The following SLIT2 variants were observed in gnomAD, a reference collection of about 807,000 sequenced individuals.
SLIT2 encodes the protein slit guidance ligand 2, also known as slit homolog 2 protein.
SLIT2 carries 41 observed loss-of-function variants against 185.7 expected under a neutral mutation model. The ratio of observed to expected loss-of-function variants is 0.22; its 90% CI spans 0.17 to 0.29. The LOEUF (loss-of-function observed/expected upper bound fraction) is 0.29. SLIT2 is among the 10% of genes least tolerant of loss of function. The pLI, the probability that SLIT2 is intolerant of heterozygous loss-of-function variation, is 1.00. For missense variants in SLIT2, 1,571 were observed against 1,909.0 expected (o/e 0.82, Z 3.30); for synonymous variants, 693 against 680.2 (o/e 1.02, Z -0.29).
intron 9 of SLIT2, among the ~76,000 whole-genome samples, chr4:20,505,959 T>C (rs1719171552): frequency 6.6e-6 from 1 of 152,036 alleles, no homozygotes; most frequent in Non-Finnish European, 1.5e-5. Flanking sequence ...TGGATAAACA[T>C]ACTTTTGAGT....
intron 4 of SLIT2, among the ~76,000 whole-genome samples, chr4:20,350,125 A>T (rs569668116): frequency 6.6e-6 from 1 of 152,322 alleles, no homozygotes; most frequent in African/African-American, 2.4e-5. Flanking sequence ...TCTTGTTCAG[A>T]TTGCAAACCC....
chr4:20,455,323 C>G (rs1249383172), intron 4 of SLIT2, among the ~76,000 whole-genome samples: 2 of 152,008 alleles, frequency 1.3e-5, no homozygotes, highest in African/African-American at 4.8e-5. Context: ...CCAGAACAGA[C>G]AAGACTTCTA....
intron 4 of SLIT2, among the ~76,000 whole-genome samples, chr4:20,346,239 G>A (rs535506760): frequency 1.5e-3 from 231 of 152,086 alleles, no homozygotes; most frequent in African/African-American, 5.0e-3. Context: ...CAAGCTATCC[G>A]CCTGCCTCGT....
chr4:20,522,421 G>C (rs779223210), intron 12 of SLIT2, among the ~76,000 whole-genome samples: 27 of 152,112 alleles, frequency 1.8e-4, no homozygotes, highest in Admixed American at 6.6e-5. Flanking sequence ...CCTGAAGAGG[G>C]AGAAACTGTC....
intron 4 of SLIT2, among the ~76,000 whole-genome samples, chr4:20,344,220 C>A (rs1721199883): frequency 6.6e-6 from 1 of 152,234 alleles, no homozygotes; most frequent in East Asian, 1.9e-4. Context: ...GGCTTACAAT[C>A]CAGGAGAGTA....
intron 9 of SLIT2, among the ~76,000 whole-genome samples, chr4:20,502,344 A>G (rs1327606479): frequency 6.6e-6 from 1 of 152,226 alleles, no homozygotes; most frequent in Non-Finnish European, 1.5e-5. Context: ...CAAGAAGCAC[A>G]TGCAGAAAAG....
intron 24 of SLIT2, among the ~76,000 whole-genome samples, chr4:20,549,441 C>T (rs1391871931): frequency 1.3e-5 from 2 of 152,028 alleles, no homozygotes; most frequent in Admixed American, 1.3e-4. Context: ...AATTGAGAAA[C>T]TTTCAAAATT....
At chr4:20,329,119 C>A (rs1273183181) in intron 4 of SLIT2, among the ~76,000 whole-genome samples, 4 of 151,840 alleles carry the variant, frequency 2.6e-5, no homozygotes, top group Admixed American at 2.0e-4. Flanking sequence ...GTAGTTAAGG[C>A]TGGGGATAGT....
At chr4:20,308,133 G>A (rs1029544880) in intron 4 of SLIT2, among the ~76,000 whole-genome samples, 6 of 152,162 alleles carry the variant, frequency 3.9e-5, no homozygotes, top group African/African-American at 1.4e-4. Flanking sequence ...TTCATGGAGA[G>A]GTGTAGCTTG....
chr4:20,381,024 C>A (rs971716683), intron 4 of SLIT2, among the ~76,000 whole-genome samples: 3 of 152,002 alleles, frequency 2.0e-5, no homozygotes, highest in Non-Finnish European at 4.4e-5. Flanking sequence ...GAGGCCTAGG[C>A]GGGTGGATCA....
At chr4:20,578,695 G>A (rs771369137) in intron 29 of SLIT2, among the ~76,000 whole-genome samples, 3 of 152,170 alleles carry the variant, frequency 2.0e-5, no homozygotes, top group Admixed American at 6.5e-5. Context: ...CAAGAGTTAC[G>A]TGTGCCAGCA....
chr4:20,397,629 A>G (rs937673326), intron 4 of SLIT2, among the ~76,000 whole-genome samples: 1 of 151,780 alleles, frequency 6.6e-6, no homozygotes, highest in Non-Finnish European at 1.5e-5. Context: ...AGGTGTATAT[A>G]CCTGTTTTAT....
intron 4 of SLIT2, among the ~76,000 whole-genome samples, chr4:20,307,063 T>G (rs1717615420): frequency 6.7e-6 from 1 of 149,524 alleles, no homozygotes; most frequent in African/African-American, 2.5e-5. Context: ...CCTTCCTTCC[T>G]TCATTCCATG....
At chr4:20,553,654 T>C in intron 25 of SLIT2, 151 bp from the exon 26 acceptor site, 1 of 698,016 alleles carries the variant, frequency 1.4e-6, no homozygotes, top group Non-Finnish European at 2.0e-6. Flanking sequence ...TAAATTGTTA[T>C]CCTCAATAAA....
Position 20,472,527 on chromosome 4 carries a change from T to TATATAG in SLIT2, c.467+4710_467+4715dup, listed in dbSNP as rs1560454842. On this transcript the variant is annotated intron_variant, in intron 5 of 36. Transcript: ENST00000504154. Reference sequence around the variant, plus strand: ...CTATATATAGATAGATATATATCTATATATAGATATATCTATATCTATATA... The same window carrying TATATAG: ...CTATATATAGATAGATATATATCTATATATAGATATAGATATATCTATATCTATATA... Among the ~76,000 whole-genome samples the TATATAG allele has an allele frequency of 9.1e-4, 20 of 22,090 alleles. 5 individuals are homozygous for TATATAG. The highest frequency in any genetic ancestry group is 4.5e-3 in the East Asian group (1 of 222). 14.5% of individuals were successfully genotyped at this position (22,090 alleles called of 152,430 possible). A position where few individuals can be genotyped will look rare whatever the true frequency, so the allele number is the denominator to read the frequency against.
intron 33 of SLIT2, among the ~76,000 whole-genome samples, chr4:20,598,852 C>A (rs1728190276): frequency 6.6e-6 from 1 of 152,150 alleles, no homozygotes; most frequent in African/African-American, 2.4e-5. Flanking sequence ...CAACAATCTC[C>A]TGTCTGTGTT....
intron 4 of SLIT2, among the ~76,000 whole-genome samples, chr4:20,303,397 A>G (rs1251289737): frequency 6.6e-5 from 10 of 152,224 alleles, no homozygotes; most frequent in Admixed American, 3.9e-4. Flanking sequence ...ATTTATCATT[A>G]GAACACATTT....
chr4:20,603,485 G>T (rs1262155972), intron 33 of SLIT2, among the ~76,000 whole-genome samples: 2 of 152,146 alleles, frequency 1.3e-5, no homozygotes, highest in East Asian at 1.9e-4. Flanking sequence ...CTAATAATCT[G>T]CTCTTTCAAA....
rs535731924 is a variant in SLIT2, at chr4:20,418,018, G to C, written c.396-49734G>C. ...CTGTATGAAATGATCTTAAGGGGTTGTCCTGTCTCTCCTATAGTAGAGTGT... is the reference window on the plus strand; with the variant it reads ...CTGTATGAAATGATCTTAAGGGGTTCTCCTGTCTCTCCTATAGTAGAGTGT... On this transcript the variant is annotated intron_variant, in intron 4 of 36. Coordinates refer to ENST00000504154, the MANE Select transcript of SLIT2 (RefSeq NM_004787.4). Among the ~76,000 whole-genome samples the C allele has an allele frequency of 6.6e-5, 10 of 152,250 alleles. No individual in the cohort carries two copies. In the South Asian group the frequency reaches 2.1e-3, roughly 32 times the overall value.
Sources: allele counts gnomAD v4.1 joint callset (sites outside exome capture counted in the v4.1 genomes callset), GRCh38; gene constraint gnomAD v4.1.1; transcripts MANE v1.5; gene names NCBI Gene and HGNC (gene_info 2026-07-23, HGNC 2026-07-21).